RPH3AL: variants seen among roughly 807,000 people sequenced by gnomAD.
RPH3AL encodes the protein rabphilin 3A like (without C2 domains), also known as rab effector Noc2.
Under a neutral mutation model 43.1 loss-of-function variants are expected in RPH3AL, and 38 were observed. The ratio of observed to expected loss-of-function variants is 0.88; its 90% confidence interval spans 0.68 to 1.15. The LOEUF (loss-of-function observed/expected upper bound fraction) is 1.15, where lower values mean the gene tolerates loss of function less well. Ranked by LOEUF, RPH3AL falls within the 50% of genes most tolerant of loss-of-function variation. The probability of loss-of-function intolerance (pLI) is 0.00; values close to 1 mark genes in which losing one functional copy is unlikely to be tolerated. For missense variants in RPH3AL, 462 were observed against 423.2 expected, an observed-to-expected ratio of 1.09 and a Z score of -0.81; for synonymous variants, 189 against 176.3, an observed-to-expected ratio of 1.07 and a Z score of -0.57.
chr17:236,653 C>CT (rs1246546724), intron 7 of RPH3AL, among the ~76,000 whole-genome samples: 1 of 152,240 alleles, frequency 6.6e-6, no homozygotes, highest in African/African-American at 2.4e-5. Flanking sequence ...GCCGCCCTGT[C>CT]TGTCTCCTCG....
chr17:224,559 T>C (rs1320135314), intron 7 of RPH3AL, among the ~76,000 whole-genome samples: 1 of 152,200 alleles, frequency 6.6e-6, no homozygotes, highest in African/African-American at 2.4e-5. Context: ...CATGTCTGCT[T>C]CCCCTAGCAG....
At position 213,901 on chromosome 17, in the gene RPH3AL, G is replaced by T; in HGVS notation, c.899C>A (p.Ala300Asp). ...TGCTGGAGCTGCGTCAGCAGCGGGG[G>T]CTCGTCCAGGTGTGTCTTTTACCTT... ...RAPVKDTPGR[A>D]PAADAAPAGP... Residue 300 changes from alanine (A) to aspartate (D), a missense_variant, in exon 10 of 10, where the codon GCC (alanine) becomes GAC (aspartate). By Grantham distance (126) the Ala-to-Asp change is moderately radical. Coordinates refer to ENST00000331302, the MANE Select transcript of RPH3AL (RefSeq NM_006987.4). 6.2e-7 allele frequency: 1 copy of T among 1,613,458 alleles called. No individual in the cohort carries two copies. The highest frequency in any genetic ancestry group is 1.1e-5 in the South Asian group (1 of 91,046).
intron 5 of RPH3AL, among the ~76,000 whole-genome samples, chr17:296,761 A>C (rs1370098920): frequency 1.3e-5 from 2 of 152,198 alleles, no homozygotes; most frequent in Non-Finnish European, 2.9e-5. Flanking sequence ...TTCAAGTCAC[A>C]TATGAAAAAA....
At chr17:222,599 T>G (rs2041017557) in intron 7 of RPH3AL, among the ~76,000 whole-genome samples, 1 of 152,240 alleles carries the variant, frequency 6.6e-6, no homozygotes, top group African/African-American at 2.4e-5. Flanking sequence ...AGCTACCCTT[T>G]AAACATTCTA....
rs866855441 is a variant in RPH3AL, at chr17:237,236, G to C, written c.613+9875C>G. Among the ~76,000 whole-genome samples, 59 of 152,342 alleles carry C rather than the reference G, an allele frequency of 3.9e-4. No homozygotes were observed. In the Middle Eastern group the frequency reaches 0.014, roughly 35 times the overall value. On this transcript the variant is annotated intron_variant, in intron 7 of 9. Coordinates refer to ENST00000331302, the MANE Select transcript of RPH3AL (RefSeq NM_006987.4). ...CCACCACAAAAAGGACCACAGTTTGGAATTTGTAAAATCTGTCTAACATCA... is the reference window on the plus strand; with the variant it reads ...CCACCACAAAAAGGACCACAGTTTGCAATTTGTAAAATCTGTCTAACATCA...
rs1264810747 is a variant in RPH3AL, at chr17:283,953, G to C, written c.352-2099C>G. On this transcript the variant is annotated intron_variant, in intron 5 of 9. Coordinates refer to ENST00000331302, the MANE Select transcript of RPH3AL (RefSeq NM_006987.4). This position sits in a 1 kb window ranked among gnomAD's most constrained non-coding sequence, Gnocchi z 4.2. Reference sequence around the variant, plus strand: ...CTCTCCTCTCTGGGTAAAGGGGAGAGGAAGCACTGATGCTACTTAGCTCTG... The same window carrying C: ...CTCTCCTCTCTGGGTAAAGGGGAGACGAAGCACTGATGCTACTTAGCTCTG... Among the ~76,000 whole-genome samples the C allele has an allele frequency of 1.3e-5, 2 of 152,212 alleles. No homozygotes were observed. Among genetic ancestry groups the C allele is most frequent in the Non-Finnish European group, 2.9e-5 (2 of 68,036 alleles).
At chr17:235,600 C>A (rs563969564) in intron 7 of RPH3AL, among the ~76,000 whole-genome samples, 12 of 143,374 alleles carry the variant, frequency 8.4e-5, no homozygotes, top group Admixed American at 3.5e-4. Context: ...AAGACGGATC[C>A]CGGGTTCAAA....
In RPH3AL at chr17:333,686, TCTGACGA is replaced by T. The variant is rs1243994028; in HGVS notation, c.-37+66_-37+72del. Reference sequence around the variant, plus strand: ...AAATGGACATCCTGGCAGATAAATCTCTGACGACTGCCTTAGGATAAGTTCCCAAAAG... The same window carrying T: ...AAATGGACATCCTGGCAGATAAATCTCTGCCTTAGGATAAGTTCCCAAAAG... On this transcript the variant is annotated intron_variant, in intron 2 of 9. Coordinates refer to ENST00000331302, the MANE Select transcript of RPH3AL (RefSeq NM_006987.4). This position sits in a 1 kb window ranked among gnomAD's most constrained non-coding sequence, Gnocchi z 4.5. 5.5e-6 allele frequency: 1 copy of T among 181,398 alleles called. No homozygotes were observed. Among genetic ancestry groups the T allele is most frequent in the African/African-American group, 2.3e-5 (1 of 42,872 alleles). The allele number at this position is 181,398 out of a possible 1,614,324, so 11.2% of individuals were successfully genotyped here. A position where few individuals can be genotyped will look rare whatever the true frequency, so the allele number is the denominator to read the frequency against.
At position 237,025 on chromosome 17, in the gene RPH3AL, G is replaced by A. The variant is rs534834245; in HGVS notation, c.613+10086C>T. ...TGCTCTGAGCATCAGCTGGGTTAGC[G>A]GCCATGAGTCACAGAGCGCTGGGGC... On this transcript the variant is annotated intron_variant, in intron 7 of 9. Transcript: ENST00000331302. Among the ~76,000 whole-genome samples the A allele has an allele frequency of 1.4e-3, 209 of 152,264 alleles. 1 individual carries two copies. The highest frequency in any genetic ancestry group is 4.7e-3 in the African/African-American group (194 of 41,544).
intron 2 of RPH3AL, chr17:331,474 C>T (rs1057406659): frequency 2.3e-5 from 22 of 952,074 alleles, no homozygotes; most frequent in East Asian, 6.3e-5. Context: ...GGCTCTGGGA[C>T]GGCTGTGCAC....
At chr17:307,313 CCA>C (rs2043523022) in intron 5 of RPH3AL, among the ~76,000 whole-genome samples, 9 of 140,106 alleles carry the variant, frequency 6.4e-5, no homozygotes, top group Non-Finnish European at 9.3e-5. Context: ...CAGGTCCTCC[CCA>C]CGGCAGGTCC....
intron 5 of RPH3AL, among the ~76,000 whole-genome samples, chr17:304,831 T>C (rs1420026407): frequency 3.3e-5 from 5 of 150,034 alleles, no homozygotes; most frequent in Admixed American, 6.7e-5. Context: ...TTTTAAATGA[T>C]TTAAAACCTG....
chr17:251,286 G>A (rs546508940), intron 6 of RPH3AL, among the ~76,000 whole-genome samples: 2 of 152,252 alleles, frequency 1.3e-5, no homozygotes, highest in African/African-American at 2.4e-5. Flanking sequence ...CCTACAACAC[G>A]TATTTATTTG....
chr17:314,707 CTGTGCTCCACCTCCACTGACCTGTAGTCT>C (rs1555518948), intron 5 of RPH3AL, among the ~76,000 whole-genome samples: 101 of 133,896 alleles, frequency 7.5e-4, no homozygotes, highest in Admixed American at 8.4e-4. Context: ...CCTGTAGTCT[CTGTGCTCCACCTCCACTGACCTGTAGTCT>C]CTGTGCTCCA....
intron 5 of RPH3AL, among the ~76,000 whole-genome samples, chr17:302,687 T>G (rs2043358873): frequency 1.3e-5 from 2 of 152,134 alleles, no homozygotes; most frequent in Non-Finnish European, 2.9e-5. Context: ...CCAGCAGGTG[T>G]GTGAGCCGCC....
At chr17:281,676 C>A in intron 6 of RPH3AL, 92 bp downstream of exon 6, 1 of 637,406 alleles carries the variant, frequency 1.6e-6, no homozygotes. Flanking sequence ...CCGCCCAGCC[C>A]TCCCCACCGT....
Position 333,348 on chromosome 17 carries a change from C to T in RPH3AL, c.-37+411G>A. On this transcript the variant is annotated intron_variant, in intron 2 of 9. Transcript: ENST00000331302. The surrounding 1 kb of genome is among the most constrained non-coding windows in gnomAD (Gnocchi z 4.5). ...AAAACACCTTAAATTCTCACATCAG[C>T]CACCCCCATGGCGACTCTTAACACC... The T allele has an allele frequency of 4.0e-6, 5 of 1,238,790 alleles. 1 individual carries two copies. In the South Asian group the frequency reaches 5.0e-5, roughly 12 times the overall value. 76.7% of individuals were successfully genotyped at this position (1,238,790 alleles called of 1,614,324 possible).
chr17:329,889 G>A lies in RPH3AL; in HGVS notation c.-36-2310C>T, dbSNP rs900585771. 2.6e-5 allele frequency among the ~76,000 whole-genome samples: 4 copies of A among 152,266 alleles called. No individual in the cohort carries two copies. In the South Asian group the frequency reaches 6.2e-4, roughly 24 times the overall value. On this transcript the variant is annotated intron_variant, in intron 2 of 9. Transcript: ENST00000331302. ...ATTGTAAATATTTTTCTTTGATATT[G>A]CACCCAAACTCAACAGATGGTAATT...
At position 327,550 on chromosome 17, in the gene RPH3AL, G is replaced by A. The variant is rs764865906; in HGVS notation, c.-7C>T. 6.2e-7 allele frequency: 1 copy of A among 1,613,538 alleles called. No individual in the cohort carries two copies. Among genetic ancestry groups the A allele is most frequent in the Non-Finnish European group, 8.5e-7 (1 of 1,179,856 alleles). ...CGAAGATGGTGTCGGCCATGGCTCG[G>A]AGCACCCGGCTGGGGGTGGGGAGTC... On this transcript the variant is annotated 5_prime_UTR_variant, in exon 3 of 10. Coordinates refer to ENST00000331302, the MANE Select transcript of RPH3AL (RefSeq NM_006987.4).
Sources: gnomAD v4.1 joint callset for allele counts (sites outside exome capture counted in the v4.1 genomes callset) on GRCh38, gnomAD v4.1.1 for gene constraint, Gnocchi (gnomAD v3.1) non-coding constraint, MANE v1.5 for transcripts, NCBI Gene and HGNC (gene_info 2026-07-23, HGNC 2026-07-21) for gene names.